Variants in UVRAG observed in about 807,000 individuals in gnomAD.
UVRAG encodes the protein UV radiation resistance-associated gene protein.
In UVRAG, 19 loss-of-function variants were observed where a neutral mutation model predicts 78.0. The ratio of observed to expected loss-of-function variants is 0.24; its 90% CI spans 0.17 to 0.36. UVRAG has a LOEUF of 0.36. Among genes scored for constraint, UVRAG ranks in the 10% least tolerant of loss-of-function variants. The pLI is 1.00. For missense variants in UVRAG, 740 were observed against 853.8 expected (o/e 0.87, Z 1.66); for synonymous variants, 323 against 324.6 (o/e 1.00, Z 0.05).
intron 6 of UVRAG, 67 bp downstream of exon 6, chr11:75,912,106 A>C: frequency 8.5e-7 from 1 of 1,174,432 alleles, no homozygotes; most frequent in Non-Finnish European, 1.3e-6. Flanking sequence ...GTGACATTTC[A>C]ATGTGAGAAA....
At chr11:76,055,134 A>G (rs1034987916) in intron 12 of UVRAG, among the ~76,000 whole-genome samples, 2 of 152,088 alleles carry the variant, frequency 1.3e-5, no homozygotes, top group Non-Finnish European at 2.9e-5. Context: ...TGCAACCTTC[A>G]TCTCCTGGGC....
In UVRAG at chr11:75,880,613, C is replaced by T. The variant is rs575975459; in HGVS notation, c.432+573C>T. On this transcript the variant is annotated intron_variant, in intron 4 of 14. Coordinates refer to ENST00000356136, the MANE Select transcript of UVRAG (RefSeq NM_003369.4). ...TGTTGCCCAGACTGGAGTGCAATGG[C>T]GCGCAATCTCGGCTCACCACAGCCT... is the stretch of plus-strand genomic sequence containing the variant. Among the ~76,000 whole-genome samples the T allele has an allele frequency of 3.3e-5, 5 of 152,102 alleles. No individual in the cohort carries two copies. In the East Asian group the frequency reaches 7.7e-4, roughly 24 times the overall value.
chr11:75,868,281 C>T (rs1946578088), intron 3 of UVRAG, among the ~76,000 whole-genome samples: 1 of 152,126 alleles, frequency 6.6e-6, no homozygotes. Flanking sequence ...CAGGAGTGTA[C>T]TTGAGGTGTT....
chr11:76,076,275 A>G (rs1951402663), intron 13 of UVRAG, among the ~76,000 whole-genome samples: 1 of 152,192 alleles, frequency 6.6e-6, no homozygotes, highest in African/African-American at 2.4e-5. Context: ...TGACTGGGTA[A>G]TTTATAAAGG....
intron 5 of UVRAG, chr11:75,892,178 A>T: frequency 8.4e-6 from 2 of 237,146 alleles, no homozygotes; most frequent in Non-Finnish European, 1.4e-5. Flanking sequence ...ATGCGTGGTT[A>T]GACAGGTTGT....
intron 2 of UVRAG, among the ~76,000 whole-genome samples, chr11:75,858,548 A>G (rs1376861249): frequency 6.6e-6 from 1 of 152,174 alleles, no homozygotes; most frequent in East Asian, 1.9e-4. Context: ...CTTTTGCTAT[A>G]CACACAGTAT....
chr11:75,908,447 GC>G (rs1332510873), intron 5 of UVRAG, among the ~76,000 whole-genome samples: 2 of 152,060 alleles, frequency 1.3e-5, no homozygotes, highest in Non-Finnish European at 2.9e-5. Flanking sequence ...AGAAATAGTT[GC>G]CAGGTTGTGG....
chr11:75,872,976 C>T (rs972218857), intron 3 of UVRAG, among the ~76,000 whole-genome samples: 3 of 152,240 alleles, frequency 2.0e-5, no homozygotes, highest in East Asian at 1.9e-4. Flanking sequence ...TTGAGGAGCT[C>T]ACGTTCTGGA....
intron 5 of UVRAG, among the ~76,000 whole-genome samples, chr11:75,891,196 C>G (rs1476688035): frequency 1.3e-5 from 2 of 152,120 alleles, no homozygotes; most frequent in African/African-American, 2.4e-5. Context: ...TTCTTCCTTT[C>G]TAGCCTGTAA....
chr11:76,121,460 A>G (rs1432083493), intron 14 of UVRAG, among the ~76,000 whole-genome samples: 2 of 152,250 alleles, frequency 1.3e-5, no homozygotes, highest in South Asian at 2.1e-4. Flanking sequence ...TATTGCCTGC[A>G]TAGTGATCTG....
intron 8 of UVRAG, among the ~76,000 whole-genome samples, chr11:76,002,609 A>T (rs1385338181): frequency 6.6e-6 from 1 of 152,156 alleles, no homozygotes; most frequent in East Asian, 1.9e-4. Context: ...GTATGTGGGG[A>T]TAGAGGGTGT....
intron 7 of UVRAG, among the ~76,000 whole-genome samples, chr11:75,968,125 G>T (rs1949059786): frequency 6.6e-6 from 1 of 152,084 alleles, no homozygotes; most frequent in Non-Finnish European, 1.5e-5. Context: ...TAGCATTTTG[G>T]ACTTCAGATT....
chr11:75,962,948 A>C (rs760574837), intron 7 of UVRAG, among the ~76,000 whole-genome samples: 1 of 152,206 alleles, frequency 6.6e-6, no homozygotes, highest in African/African-American at 2.4e-5. Flanking sequence ...GTGTGAGTTT[A>C]AAGAGGTCAA....
intron 13 of UVRAG, among the ~76,000 whole-genome samples, chr11:76,098,383 A>G (rs1233726697): frequency 2.0e-5 from 3 of 152,218 alleles, no homozygotes; most frequent in Non-Finnish European, 4.4e-5. Flanking sequence ...CCAGAGGCTC[A>G]GGCGGGGGTA....
chr11:75,990,182 A>G (rs1006359900), intron 8 of UVRAG, among the ~76,000 whole-genome samples: 1 of 152,258 alleles, frequency 6.6e-6, no homozygotes, highest in Admixed American at 6.5e-5. Flanking sequence ...TCTTCATTTC[A>G]GTAATTTTAG....
chr11:76,052,568 A>G (rs964560979), intron 12 of UVRAG, among the ~76,000 whole-genome samples: 5 of 152,170 alleles, frequency 3.3e-5, no homozygotes, highest in Non-Finnish European at 5.9e-5. Flanking sequence ...TATCAGCGCT[A>G]CCTACCAGTG....
At chr11:76,055,125 G>A (rs1950955870) in intron 12 of UVRAG, among the ~76,000 whole-genome samples, 1 of 152,150 alleles carries the variant, frequency 6.6e-6, no homozygotes, top group African/African-American at 2.4e-5. Flanking sequence ...TCAGCTCACT[G>A]CAACCTTCAT....
Position 75,959,230 on chromosome 11 carries a change from TCTC to T in UVRAG, c.594-2210_594-2208del, listed in dbSNP as rs200748534. Reference sequence around the variant, plus strand: ...GAAGCTTTGAAGCCAGGCATTGACTTCTCCTCTCTAGCTATGAAAGTCCTAGGT... The same window carrying T: ...GAAGCTTTGAAGCCAGGCATTGACTTCTCTCTAGCTATGAAAGTCCTAGGT... On this transcript the variant is annotated intron_variant, in intron 6 of 14. Transcript: ENST00000356136. Among the ~76,000 whole-genome samples, 226 of 152,318 alleles carry T rather than the reference TCTC, an allele frequency of 1.5e-3. 4 individuals are homozygous for T. The East Asian group carries it at 0.033, about 22-fold the overall frequency.
At chr11:76,078,041 G>A (rs968695488) in intron 13 of UVRAG, among the ~76,000 whole-genome samples, 7 of 152,308 alleles carry the variant, frequency 4.6e-5, no homozygotes, top group Non-Finnish European at 8.8e-5. Context: ...GAAATATGCA[G>A]TGCTAGCTAG....
Sources: allele counts gnomAD v4.1 joint callset (sites outside exome capture counted in the v4.1 genomes callset), GRCh38; gene constraint gnomAD v4.1.1; transcripts MANE v1.5; gene names NCBI Gene and HGNC (gene_info 2026-07-23, HGNC 2026-07-21).